CENPW: variants seen among roughly 807,000 people sequenced by gnomAD.
CENPW encodes the protein cancer-up-regulated gene 2 protein.
In CENPW, 3 loss-of-function variants were observed where a neutral mutation model predicts 11.1. The ratio of observed to expected loss-of-function variants is 0.27; its 90% CI spans 0.12 to 0.70. The LOEUF (loss-of-function observed/expected upper bound fraction) is 0.70, where lower values mean the gene tolerates loss of function less well. CENPW is among the 30% of genes least tolerant of loss of function. The probability of loss-of-function intolerance (pLI) is 0.77; values close to 1 mark genes in which losing one functional copy is unlikely to be tolerated. For synonymous variants in CENPW, 38 were observed against 42.0 expected, an observed-to-expected ratio of 0.91 and a Z score of 0.37; for missense variants, 100 against 105.6, an observed-to-expected ratio of 0.95 and a Z score of 0.23.
chr6:126,410,493 A>C, the CENPW span, among the ~76,000 whole-genome samples: 1 of 151,948 alleles, frequency 6.6e-6, no homozygotes, highest in East Asian at 1.9e-4. Context: ...TCTGGGTTGA[A>C]TCTATTTTGA....
At chr6:126,370,372 AGT>A in the CENPW span, among the ~76,000 whole-genome samples, 2 of 152,062 alleles carry the variant, frequency 1.3e-5, no homozygotes, top group Non-Finnish European at 2.9e-5. Context: ...TCATTTTCAC[AGT>A]GTTGATTCTA....
At chr6:126,374,295 A>G in the CENPW span, among the ~76,000 whole-genome samples, 1 of 152,184 alleles carries the variant, frequency 6.6e-6, no homozygotes, top group African/African-American at 2.4e-5. Context: ...GGCCGATGCA[A>G]TTCTAAGTAG....
the CENPW span, among the ~76,000 whole-genome samples, chr6:126,450,483 G>C: frequency 1.3e-5 from 2 of 151,032 alleles, no homozygotes; most frequent in Admixed American, 6.6e-5. Context: ...ACTAGAGTTG[G>C]TTGTCTCATT....
At chr6:126,429,244 T>C in the CENPW span, among the ~76,000 whole-genome samples, 1 of 152,190 alleles carries the variant, frequency 6.6e-6, no homozygotes, top group African/African-American at 2.4e-5. Context: ...AATCAGAGTA[T>C]TATTGTTCTA....
At chr6:126,361,695 C>G in the CENPW span, among the ~76,000 whole-genome samples, 1 of 152,226 alleles carries the variant, frequency 6.6e-6, no homozygotes, top group Admixed American at 6.5e-5. Flanking sequence ...CCCTTGGTCA[C>G]TAGCACCACT....
the CENPW span, among the ~76,000 whole-genome samples, chr6:126,404,281 T>G: frequency 1.3e-5 from 2 of 152,102 alleles, no homozygotes; most frequent in African/African-American, 4.8e-5. Context: ...GATCAAGGAG[T>G]AATTTTGGCT....
At chr6:126,397,278 C>T in the CENPW span, among the ~76,000 whole-genome samples, 1 of 152,120 alleles carries the variant, frequency 6.6e-6, no homozygotes, top group Non-Finnish European at 1.5e-5. Context: ...TAAATGTTCC[C>T]TCTGTGGGCA....
At chr6:126,468,498 C>G in the CENPW span, among the ~76,000 whole-genome samples, 1 of 123,430 alleles carries the variant, frequency 8.1e-6, no homozygotes, top group Admixed American at 8.1e-5. Context: ...AATCCTGAAA[C>G]AGAAAAGTAA....
chr6:126,405,796 C>T, the CENPW span, among the ~76,000 whole-genome samples: 1 of 151,754 alleles, frequency 6.6e-6, no homozygotes, highest in Non-Finnish European at 1.5e-5. Context: ...CCTCGTATTT[C>T]ATTATTTGTG....
the CENPW span, among the ~76,000 whole-genome samples, chr6:126,395,155 T>C: frequency 2.6e-5 from 4 of 152,200 alleles, no homozygotes; most frequent in Admixed American, 1.3e-4. Context: ...TTAAGGGAAA[T>C]AACTCTTATA....
the CENPW span, among the ~76,000 whole-genome samples, chr6:126,455,698 T>C: frequency 6.6e-6 from 1 of 151,046 alleles, no homozygotes; most frequent in Non-Finnish European, 1.5e-5. Flanking sequence ...CTCTTCAACA[T>C]AGTAATGGAA....
At chr6:126,454,863 T>A in the CENPW span, among the ~76,000 whole-genome samples, 1 of 150,564 alleles carries the variant, frequency 6.6e-6, no homozygotes, top group Admixed American at 6.6e-5. Context: ...TCCAAATAAA[T>A]GCAATTATAA....
chr6:126,427,961 A>C, the CENPW span, among the ~76,000 whole-genome samples: 5 of 152,220 alleles, frequency 3.3e-5, no homozygotes, highest in Admixed American at 2.0e-4. Flanking sequence ...AGGGAAGAGC[A>C]CAGACCTTTA....
intron 1 of CENPW, among the ~76,000 whole-genome samples, chr6:126,345,679 A>ATAAC (rs67316676): frequency 1.3e-5 from 2 of 151,388 alleles, no homozygotes; most frequent in Non-Finnish European, 1.5e-5. Context: ...TGGATGACAA[A>ATAAC]TGACCTTTGT....
At chr6:126,397,129 ACATTG>A in the CENPW span, among the ~76,000 whole-genome samples, 3 of 152,068 alleles carry the variant, frequency 2.0e-5, no homozygotes, top group Non-Finnish European at 4.4e-5. Flanking sequence ...ACTTGCCCAG[ACATTG>A]CAGTCCTTGT....
At chr6:126,361,024 C>T in the CENPW span, among the ~76,000 whole-genome samples, 2 of 152,108 alleles carry the variant, frequency 1.3e-5, no homozygotes, top group Admixed American at 6.5e-5. Flanking sequence ...TGCACTGATT[C>T]TTTCTCATCT....
the CENPW span, among the ~76,000 whole-genome samples, chr6:126,396,045 C>CAG: frequency 1.3e-5 from 2 of 152,200 alleles, no homozygotes; most frequent in East Asian, 3.9e-4. Context: ...CTGGCTACTG[C>CAG]TTTTGCTCAC....
chr6:126,431,892 C>T, the CENPW span, among the ~76,000 whole-genome samples: 1 of 151,516 alleles, frequency 6.6e-6, no homozygotes, highest in African/African-American at 2.4e-5. Flanking sequence ...TAGTGAAACC[C>T]CATCTCTATT....
At chr6:126,354,379 T>C in the CENPW span, among the ~76,000 whole-genome samples, 1 of 152,164 alleles carries the variant, frequency 6.6e-6, no homozygotes, top group African/African-American at 2.4e-5. Context: ...CACTAATCTT[T>C]GACATGTGAG....
Sources: gnomAD v4.1 joint callset for allele counts (sites outside exome capture counted in the v4.1 genomes callset) on GRCh38, gnomAD v4.1.1 for gene constraint, MANE v1.5 for transcripts, NCBI Gene and HGNC (gene_info 2026-07-23, HGNC 2026-07-21) for gene names.